PPP2R2B: variants seen among roughly 807,000 people sequenced by gnomAD.
The protein encoded by PPP2R2B is protein phosphatase 2 regulatory subunit Bbeta.
Under a neutral mutation model 46.0 loss-of-function variants are expected in PPP2R2B, and 5 were observed. The ratio of observed to expected loss-of-function variants is 0.11; its 90% CI spans 0.06 to 0.23. The LOEUF (loss-of-function observed/expected upper bound fraction) is 0.23. Among genes scored for constraint, PPP2R2B ranks in the 10% least tolerant of loss-of-function variants. The pLI is 1.00. For synonymous variants in PPP2R2B, 215 were observed against 206.7 expected (o/e 1.04, Z -0.34); for missense variants, 367 against 575.0 (o/e 0.64, Z 3.70).
intron 2 of PPP2R2B, among the ~76,000 whole-genome samples, chr5:146,770,895 A>T (rs149620374): frequency 2.0e-4 from 31 of 152,298 alleles, no homozygotes; most frequent in African/African-American, 6.7e-4. Context: ...TACAGAGAAC[A>T]ACCTATTTAC....
chr5:146,686,019 A>G (rs1778478507), intron 5 of PPP2R2B, among the ~76,000 whole-genome samples: 1 of 152,222 alleles, frequency 6.6e-6, no homozygotes, highest in African/African-American at 2.4e-5. Context: ...GCTGTAGAGA[A>G]TAAGATGAAA....
chr5:146,904,005 G>T (rs1762922573), intron 1 of PPP2R2B, among the ~76,000 whole-genome samples: 1 of 152,074 alleles, frequency 6.6e-6, no homozygotes, highest in South Asian at 2.1e-4. Flanking sequence ...GGGTTTCCTG[G>T]CTCAGAGTAA....
chr5:147,014,373 A>G (rs1020190289), intron 1 of PPP2R2B, among the ~76,000 whole-genome samples: 10 of 149,992 alleles, frequency 6.7e-5, no homozygotes, highest in Non-Finnish European at 1.2e-4. Flanking sequence ...TGACCCAGCC[A>G]TCCCATTACT....
chr5:146,869,693 A>AG (rs1761502647), intron 2 of PPP2R2B, among the ~76,000 whole-genome samples: 1 of 152,198 alleles, frequency 6.6e-6, no homozygotes, highest in Non-Finnish European at 1.5e-5. Flanking sequence ...CATGGGATGG[A>AG]GGGTGATTCA....
intron 8 of PPP2R2B, 22 bp downstream of exon 8, chr5:146,600,269 A>G (rs372129488): frequency 1.7e-5 from 28 of 1,610,942 alleles, no homozygotes; most frequent in Non-Finnish European, 2.4e-5. Context: ...CAATATACCT[A>G]TGGGTGCCTG....
chr5:146,597,035 C>G (rs557083477), intron 8 of PPP2R2B, among the ~76,000 whole-genome samples: 2 of 152,164 alleles, frequency 1.3e-5, no homozygotes, highest in Non-Finnish European at 2.9e-5. Context: ...GGTAGCTGGG[C>G]TCCTTGTTGC....
chr5:146,854,648 G>C (rs1760543149), intron 2 of PPP2R2B, among the ~76,000 whole-genome samples: 1 of 152,142 alleles, frequency 6.6e-6, no homozygotes, highest in Admixed American at 6.5e-5. Context: ...ACCTTGAAGT[G>C]ATTCTTACAT....
At chr5:146,834,814 C>A (rs1368753638) in intron 2 of PPP2R2B, among the ~76,000 whole-genome samples, 1 of 152,098 alleles carries the variant, frequency 6.6e-6, no homozygotes, top group African/African-American at 2.4e-5. Context: ...TCTATTTTTC[C>A]CCTCTTTTGT....
chr5:146,675,820 TTC>T (rs142697000), intron 5 of PPP2R2B, among the ~76,000 whole-genome samples: 111 of 148,188 alleles, frequency 7.5e-4, no homozygotes, highest in Admixed American at 8.8e-4. Flanking sequence ...CCTCAGTCAC[TTC>T]TCTCTCTCTC....
chr5:146,932,454 G>A (rs566774883), intron 1 of PPP2R2B, among the ~76,000 whole-genome samples: 18 of 152,164 alleles, frequency 1.2e-4, no homozygotes, highest in African/African-American at 4.3e-4. Flanking sequence ...TTCTCAGGAG[G>A]TCTCATGGTT....
intron 1 of PPP2R2B, among the ~76,000 whole-genome samples, chr5:146,912,096 G>A (rs111903173): frequency 1.4e-4 from 21 of 151,986 alleles, no homozygotes; most frequent in African/African-American, 4.3e-4. Flanking sequence ...AAAGTTAGCC[G>A]GGCATGGCGG....
chr5:146,772,051 T>A (rs926904073), intron 2 of PPP2R2B, among the ~76,000 whole-genome samples: 5 of 152,044 alleles, frequency 3.3e-5, no homozygotes, highest in African/African-American at 1.2e-4. Context: ...TAGCAGAAAA[T>A]TGGAAACAAC....
intron 5 of PPP2R2B, among the ~76,000 whole-genome samples, chr5:146,682,193 G>A (rs1581863542): frequency 1.3e-5 from 2 of 152,216 alleles, no homozygotes; most frequent in African/African-American, 4.8e-5. Flanking sequence ...TTTATTGTCA[G>A]TGAATACACT....
chr5:147,033,680 A>G (rs1025885550), intron 1 of PPP2R2B, among the ~76,000 whole-genome samples: 4 of 152,256 alleles, frequency 2.6e-5, no homozygotes, highest in Admixed American at 2.6e-4. Context: ...TCAAGCCTTC[A>G]TCACAGGGAT....
chr5:146,808,346 G>C (rs536731051), intron 2 of PPP2R2B, among the ~76,000 whole-genome samples: 1 of 152,114 alleles, frequency 6.6e-6, no homozygotes, highest in East Asian at 1.9e-4. Context: ...TATTTCCATC[G>C]TCAGAGCAAG....
intron 5 of PPP2R2B, chr5:146,656,796 GC>G (rs1776361674): frequency 1.3e-5 from 2 of 152,362 alleles, no homozygotes; most frequent in Non-Finnish European, 2.9e-5. Context: ...CCTTCACTGT[GC>G]GGGTGAGGAA....
chr5:146,780,564 G>A (rs1442988289), intron 2 of PPP2R2B, among the ~76,000 whole-genome samples: 1 of 152,084 alleles, frequency 6.6e-6, no homozygotes, highest in East Asian at 1.9e-4. Context: ...AATTATCTTT[G>A]GCATATTCCC....
rs1294305961 is a variant in PPP2R2B at position 146,588,820 on chromosome 5, G to T, written c.*1127C>A. 6.6e-6 allele frequency: 1 copy of T among 152,108 alleles called. No homozygotes were observed. The highest frequency in any genetic ancestry group is 1.5e-5 in the Non-Finnish European group (1 of 68,032). 9.4% of individuals were successfully genotyped at this position (152,108 alleles called of 1,614,324 possible). ...CTGTTTTTCCAGATGGCGAGCTTGGGGTGAGTTAGAAGTGCCTGATTGGAC... is the reference window on the plus strand; with the variant it reads ...CTGTTTTTCCAGATGGCGAGCTTGGTGTGAGTTAGAAGTGCCTGATTGGAC... On this transcript the variant is annotated 3_prime_UTR_variant, in exon 10 of 10. Coordinates refer to ENST00000394411, the MANE Select transcript of PPP2R2B (RefSeq NM_181675.4).
chr5:146,990,864 AAAAG>A (rs1186970495), intron 1 of PPP2R2B, among the ~76,000 whole-genome samples: 1 of 152,130 alleles, frequency 6.6e-6, no homozygotes, highest in Non-Finnish European at 1.5e-5. Context: ...CAATAGCAAA[AAAAG>A]AAAGAACAAA....
Sources: gnomAD v4.1 joint callset for allele counts (sites outside exome capture counted in the v4.1 genomes callset) on GRCh38, gnomAD v4.1.1 for gene constraint, MANE v1.5 for transcripts, NCBI Gene and HGNC (gene_info 2026-07-23, HGNC 2026-07-21) for gene names.